LBP: variants seen among roughly 807,000 people sequenced by gnomAD.
LBP encodes the protein lipopolysaccharide binding protein.
LBP carries 53 observed loss-of-function variants against 56.6 expected under a neutral mutation model. The observed-to-expected ratio is 0.94, with a 90% CI of 0.75 to 1.18. The LOEUF is 1.18. Ranked by LOEUF, LBP falls within the 50% of genes most tolerant of loss-of-function variation. The pLI, the probability that LBP is intolerant of heterozygous loss-of-function variation, is 0.00. For missense variants in LBP, 601 were observed against 598.3 expected (o/e 1.00, Z -0.05); for synonymous variants, 227 against 247.5 (o/e 0.92, Z 0.78).
chr20:38,349,623 G>A lies in LBP; in HGVS notation c.200G>A (p.Arg67Lys). 1.9e-6 allele frequency: 3 copies of A among 1,611,504 alleles called. 1 individual carries two copies. Among genetic ancestry groups the A allele is most frequent in the Middle Eastern group, 3.3e-4 (2 of 6,056 alleles). ...ITLPDFTGDLRIPHVGRGRYE... is the reference protein window; with the variant it reads ...ITLPDFTGDLKIPHVGRGRYE... Reference sequence around the variant, plus strand: ...CTGCCTGACTTCACCGGGGACTTGAGGATCCCCCACGTCGGCCGTGGGCGC... The same window carrying A: ...CTGCCTGACTTCACCGGGGACTTGAAGATCCCCCACGTCGGCCGTGGGCGC... The change falls in exon 2 of 15, where the codon AGG becomes AAG. Residue 67 changes from arginine (R) to lysine (K), a missense_variant. Transcript: ENST00000217407.
chr20:38,363,100 G>A (rs2076867332), intron 6 of LBP, among the ~76,000 whole-genome samples: 7 of 152,146 alleles, frequency 4.6e-5, no homozygotes, highest in Admixed American at 4.6e-4. Flanking sequence ...GCCATCTGGG[G>A]GGTGTTCAGT....
In LBP at chr20:38,350,796, T is replaced by C. The variant is rs376258118; in HGVS notation, c.240-15T>C. ...GGCCCAGGGCTGACACCTCCTTCCA[T>C]GTCTCTCCCTTCAGCCTGAACATCC... On this transcript the variant is annotated splice_polypyrimidine_tract_variant and intron_variant, in intron 2 of 14. Coordinates refer to ENST00000217407, the MANE Select transcript of LBP (RefSeq NM_004139.5). The C allele has an allele frequency of 7.5e-6, 12 of 1,596,300 alleles. No individual in the cohort carries two copies. The highest frequency in any genetic ancestry group is 6.7e-5 in the African/African-American group (5 of 74,624).
intron 9 of LBP, among the ~76,000 whole-genome samples, chr20:38,368,763 G>A (rs942312979): frequency 6.6e-6 from 1 of 152,136 alleles, no homozygotes; most frequent in Non-Finnish European, 1.5e-5. Flanking sequence ...TTAATCCATC[G>A]CAGGACCCAT....
At chr20:38,352,588 C>G (rs1380607196) in intron 3 of LBP, among the ~76,000 whole-genome samples, 1 of 152,164 alleles carries the variant, frequency 6.6e-6, no homozygotes, top group African/African-American at 2.4e-5. Flanking sequence ...AACCCCATCT[C>G]TACTAAAAAT....
Position 38,348,787 on chromosome 20 carries a change from A to AGTTTAGTTTAGTTTAGTTTAGTTTT in LBP, c.125-757_125-756insAGTTTAGTTTAGTTTAGTTTTGTTT, listed in dbSNP as rs1402944274. Among the ~76,000 whole-genome samples the AGTTTAGTTTAGTTTAGTTTAGTTTT allele has an allele frequency of 6.0e-3, 808 of 135,482 alleles. 2 individuals are homozygous for AGTTTAGTTTAGTTTAGTTTAGTTTT. The highest frequency in any genetic ancestry group is 1.0e-2 in the Non-Finnish European group (636 of 63,714). The allele number at this position is 135,482 out of a possible 152,430, so 88.9% of individuals were successfully genotyped here. A position where few individuals can be genotyped will look rare whatever the true frequency, so the allele number is the denominator to read the frequency against. ...AGTTTAGTTTAGTTTAGTTTAGTTT[A>AGTTTAGTTTAGTTTAGTTTAGTTTT]GTTTTGTTTTGTTTTGTTTTGTTTG... On this transcript the variant is annotated intron_variant, in intron 1 of 14. Coordinates refer to ENST00000217407, the MANE Select transcript of LBP (RefSeq NM_004139.5).
chr20:38,355,018 G>T (rs368773551), intron 4 of LBP, among the ~76,000 whole-genome samples: 3 of 152,322 alleles, frequency 2.0e-5, no homozygotes, highest in East Asian at 3.9e-4. Flanking sequence ...GGCGACAGAG[G>T]TTGCAGTGAG....
At chr20:38,372,505 C>G (rs1376799446) in intron 12 of LBP, among the ~76,000 whole-genome samples, 2 of 152,254 alleles carry the variant, frequency 1.3e-5, no homozygotes, top group Admixed American at 1.3e-4. Context: ...AATGTAAAAA[C>G]AAAAACTACA....
chr20:38,354,292 A>C lies in LBP; in HGVS notation c.377A>C (p.Gln126Pro), dbSNP rs753058564. ...WKVRKSFFKL[Q>P]GSFDVSVKGI... ...TCTCTTACCTCCTCCAGCAAACTAC[A>C]GGGCTCCTTTGATGTCAGTGTCAAG... The change falls in exon 4 of 15, where the codon CAG (glutamine) becomes CCG (proline). Residue 126 changes from glutamine (Q) to proline (P), a missense_variant. By Grantham distance (76) the Gln-to-Pro change is moderately conservative. Transcript: ENST00000217407. The C allele has an allele frequency of 1.9e-6, 3 of 1,612,934 alleles. No individual in the cohort carries two copies. The highest frequency in any genetic ancestry group is 1.1e-5 in the South Asian group (1 of 90,962).
At position 38,346,645 on chromosome 20, in the gene LBP, G is replaced by T; in HGVS notation, c.124+5G>T. 6.2e-7 allele frequency: 1 copy of T among 1,613,118 alleles called. No individual in the cohort carries two copies. Among genetic ancestry groups the T allele is most frequent in the Non-Finnish European group, 8.5e-7 (1 of 1,179,830 alleles). On this transcript the variant is annotated splice_donor_5th_base_variant and intron_variant, in intron 1 of 14. Coordinates refer to ENST00000217407, the MANE Select transcript of LBP (RefSeq NM_004139.5). ...CCGACAAGGGACTGCAGTATGGTAA[G>T]AAGCCACATCTGCTGGCTGGACTTG...
At chr20:38,374,440 T>C (rs560779167) in intron 14 of LBP, among the ~76,000 whole-genome samples, 51 of 151,626 alleles carry the variant, frequency 3.4e-4, no homozygotes, top group African/African-American at 1.2e-3. Context: ...CTATTAAAAA[T>C]ACAAAAATTA....
chr20:38,348,567 G>C (rs903013659), intron 1 of LBP, among the ~76,000 whole-genome samples: 2 of 151,952 alleles, frequency 1.3e-5, no homozygotes. Context: ...CAAAGTGCTG[G>C]GATTACAGGC....
In LBP at chr20:38,370,736, A is replaced by G. The variant is rs1258084175; in HGVS notation, c.1150-2A>G. On this transcript the variant is annotated splice_acceptor_variant, in intron 10 of 14. Coordinates refer to ENST00000217407, the MANE Select transcript of LBP (RefSeq NM_004139.5). LOFTEE classifies it high-confidence loss of function. Reference sequence around the variant, plus strand: ...CCTGCTTCCTTCTTCTGGCATTTCCAGGCCACTAATGTGTCCGCCACCTTG... The same window carrying G: ...CCTGCTTCCTTCTTCTGGCATTTCCGGGCCACTAATGTGTCCGCCACCTTG... 5.0e-6 allele frequency: 8 copies of G among 1,613,742 alleles called. No individual in the cohort carries two copies. Among genetic ancestry groups the G allele is most frequent in the Non-Finnish European group, 6.8e-6 (8 of 1,179,784 alleles).
At chr20:38,363,349 T>C (rs1293885351) in intron 6 of LBP, among the ~76,000 whole-genome samples, 1 of 152,202 alleles carries the variant, frequency 6.6e-6, no homozygotes, top group Admixed American at 6.5e-5. Flanking sequence ...AGTCCCCCAC[T>C]GATGGACATT....
intron 10 of LBP, 25 bp downstream of exon 10, chr20:38,369,187 G>T: frequency 6.3e-7 from 1 of 1,587,810 alleles, no homozygotes; most frequent in Non-Finnish European, 8.6e-7. Context: ...CTTTGCAAAT[G>T]CTGTTTCCTT....
At chr20:38,348,787 A>AGTTTAGTTTAGTTTC (rs1402944274) in intron 1 of LBP, among the ~76,000 whole-genome samples, 1 of 135,414 alleles carries the variant, frequency 7.4e-6, no homozygotes, top group Non-Finnish European at 1.6e-5. Flanking sequence ...AGTTTAGTTT[A>AGTTTAGTTTAGTTTC]GTTTTGTTTT....
rs771509005 is a variant in LBP at position 38,354,310 on chromosome 20, G to A, written c.395G>A (p.Ser132Asn). The change falls in exon 4 of 15, where the codon AGT (serine) becomes AAT (asparagine). Residue 132 changes from serine to asparagine, a missense_variant. Ser to Asn is a conservative substitution (Grantham distance 46, BLOSUM62 1). Transcript: ENST00000217407. ...AAACTACAGGGCTCCTTTGATGTCA[G>A]TGTCAAGGGCATCAGCATTTCGGTC... ...FFKLQGSFDV[S>N]VKGISISVNL... 8.7e-6 allele frequency: 14 copies of A among 1,613,790 alleles called. No individual in the cohort carries two copies. Among genetic ancestry groups the A allele is most frequent in the South Asian group, 7.7e-5 (7 of 91,068 alleles).
At chr20:38,349,774 G>A (rs540722206) in intron 2 of LBP, 112 bp downstream of exon 2, 63 of 727,040 alleles carry the variant, frequency 8.7e-5, no homozygotes, top group Non-Finnish European at 1.0e-4. Context: ...GGACCTCTCC[G>A]GGGCAGACAG....
At chr20:38,363,700 T>G (rs1195066999) in intron 6 of LBP, among the ~76,000 whole-genome samples, 3 of 152,142 alleles carry the variant, frequency 2.0e-5, no homozygotes, top group African/African-American at 4.8e-5. Context: ...AGGTGAAGCC[T>G]GGACTCATGG....
Position 38,373,122 on chromosome 20 carries a change from C to A in LBP, c.1311C>A (p.Tyr437Ter). 6.2e-7 allele frequency: 1 copy of A among 1,613,416 alleles called. No individual in the cohort carries two copies. The highest frequency in any genetic ancestry group is 8.5e-7 in the Non-Finnish European group (1 of 1,179,330). ...ACTATTACATCCTTAACACCTTCTA[C>A]CCCAAGTTCAATGGTAAGAATCACT... is the stretch of plus-strand genomic sequence containing the variant. The part of the protein sequence containing the change: ...LLNYYILNTF[Y>*]PKFNDKLAEG... The change falls in exon 13 of 15, where the codon TAC becomes TAA. Residue 437 changes from tyrosine to a stop codon, truncating the protein, a stop_gained. Transcript: ENST00000217407. LOFTEE classifies it high-confidence loss of function.
Sources: allele counts gnomAD v4.1 joint callset (sites outside exome capture counted in the v4.1 genomes callset), GRCh38; gene constraint gnomAD v4.1.1; transcripts MANE v1.5; gene names NCBI Gene and HGNC (gene_info 2026-07-23, HGNC 2026-07-21).